The following NFATC1 variants were observed in gnomAD, a reference collection of about 807,000 sequenced individuals.
NFATC1 encodes the protein nuclear factor of activated T-cells, cytoplasmic 1.
Under a neutral mutation model 76.0 loss-of-function variants are expected in NFATC1, and 22 were observed. The ratio of observed to expected loss-of-function variants is 0.29; its 90% CI spans 0.21 to 0.41. NFATC1 has a LOEUF of 0.41. Ranked by LOEUF, NFATC1 falls within the 10% of genes least tolerant of loss-of-function variation. The pLI, the probability that NFATC1 is intolerant of heterozygous loss-of-function variation, is 1.00. For missense variants in NFATC1, 1,357 were observed against 1,337.7 expected (o/e 1.01, Z -0.23); for synonymous variants, 704 against 613.1 (o/e 1.15, Z -2.19).
intron 2 of NFATC1, among the ~76,000 whole-genome samples, chr18:79,412,573 T>G (rs1021689422): frequency 6.6e-6 from 1 of 152,110 alleles, no homozygotes; most frequent in Non-Finnish European, 1.5e-5. Context: ...GTGAGGGTGC[T>G]CTGGGAGGAC....
intron 9 of NFATC1, among the ~76,000 whole-genome samples, chr18:79,504,679 C>T (rs1243113176): frequency 6.6e-6 from 1 of 152,266 alleles, no homozygotes; most frequent in African/African-American, 2.4e-5. Context: ...AAAGACCTCC[C>T]CTTTGTGAAA....
In NFATC1 at chr18:79,486,732, C is replaced by T. The variant is rs777042807; in HGVS notation, c.2577C>T (p.Thr859=). The T allele has an allele frequency of 5.0e-6, 8 of 1,599,278 alleles. No individual in the cohort carries two copies. Among genetic ancestry groups the T allele is most frequent in the Middle Eastern group, 1.7e-4 (1 of 6,020 alleles). Residue 859 remains threonine, a synonymous_variant, in exon 9 of 10, where the codon ACC becomes ACT. Transcript: ENST00000427363. The part of the protein sequence containing the change: ...PPLPPATQEP[T]CLQPCSPACP... ...TCCCGCCTGCCACCCAAGAGCCGAC[C>T]TGCCTGCAGCCCTGCAGCCCAGCGT...
Position 79,452,940 on chromosome 18 carries a change from G to C in NFATC1, c.1903+1124G>C, listed in dbSNP as rs537760467. ...AGCCTTGATAATGGGGTCTTGATTT[G>C]TACAGTTTGCCGGAAACTTAAGTGC... On this transcript the variant is annotated intron_variant, in intron 6 of 9. Coordinates refer to ENST00000427363, the MANE Select transcript of NFATC1 (RefSeq NM_001278669.2). Among the ~76,000 whole-genome samples, 6 of 152,360 alleles carry C rather than the reference G, an allele frequency of 3.9e-5. No homozygotes were observed. The East Asian group carries it at 1.2e-3, about 29-fold the overall frequency.
chr18:79,399,064 C>T (rs906491499), intron 1 of NFATC1, among the ~76,000 whole-genome samples: 2 of 152,264 alleles, frequency 1.3e-5, no homozygotes, highest in African/African-American at 4.8e-5. Context: ...GAGACTCCGT[C>T]TCAAACAAAC....
At chr18:79,458,383 G>A (rs1376849503) in intron 6 of NFATC1, among the ~76,000 whole-genome samples, 2 of 152,212 alleles carry the variant, frequency 1.3e-5, no homozygotes, top group African/African-American at 4.8e-5. Flanking sequence ...GGCACCGTGG[G>A]ACCCAGGGAC....
intron 9 of NFATC1, among the ~76,000 whole-genome samples, chr18:79,511,103 C>T (rs757537987): frequency 9.9e-5 from 15 of 152,226 alleles, no homozygotes; most frequent in Non-Finnish European, 2.1e-4. Flanking sequence ...AGTCCACCAA[C>T]GGCAATTACA....
intron 2 of NFATC1, among the ~76,000 whole-genome samples, chr18:79,431,542 C>T (rs552018685): frequency 2.6e-5 from 4 of 152,272 alleles, no homozygotes. Context: ...TGCACCACCA[C>T]GTCCTGCTCA....
chr18:79,468,000 G>A (rs2144933995), intron 8 of NFATC1: 1 of 1,006,824 alleles, frequency 9.9e-7, no homozygotes, highest in Admixed American at 5.8e-5. Context: ...TTTTAAGCCT[G>A]TAGTCCTGAT....
chr18:79,516,612 A>C (rs1206076135), intron 9 of NFATC1, among the ~76,000 whole-genome samples: 2 of 152,172 alleles, frequency 1.3e-5, no homozygotes, highest in African/African-American at 4.8e-5. Flanking sequence ...TGGAGGCTTC[A>C]TGTAGGAGGT....
rs191235215 is a variant in NFATC1 at position 79,418,290 on chromosome 18, G to A, written c.1226+6789G>A. Among the ~76,000 whole-genome samples the A allele has an allele frequency of 4.6e-5, 7 of 152,288 alleles. No individual in the cohort carries two copies. The East Asian group carries it at 9.6e-4, about 21-fold the overall frequency. On this transcript the variant is annotated intron_variant, in intron 2 of 9. Coordinates refer to ENST00000427363, the MANE Select transcript of NFATC1 (RefSeq NM_001278669.2). ...ACAGTCAGGCGCTTAACGGCCACCC[G>A]ACTGTGGACGCAGCTGAGGCCATTT...
chr18:79,435,803 G>A (rs1014680682), intron 3 of NFATC1, among the ~76,000 whole-genome samples: 1 of 152,226 alleles, frequency 6.6e-6, no homozygotes, highest in Admixed American at 6.5e-5. Flanking sequence ...TGTGTGCGCA[G>A]CAGCGACACG....
chr18:79,500,226 A>G (rs1260801816), intron 9 of NFATC1, among the ~76,000 whole-genome samples: 1 of 152,188 alleles, frequency 6.6e-6, no homozygotes, highest in South Asian at 2.1e-4. Context: ...ATGGATATCA[A>G]TTGAAAATCA....
At chr18:79,476,154 T>C (rs2089058102) in intron 8 of NFATC1, among the ~76,000 whole-genome samples, 1 of 152,226 alleles carries the variant, frequency 6.6e-6, no homozygotes, top group South Asian at 2.1e-4. Context: ...AAGCCTGCGC[T>C]CTGGGACATG....
At chr18:79,519,685 C>G (rs934818749) in intron 9 of NFATC1, among the ~76,000 whole-genome samples, 2 of 152,156 alleles carry the variant, frequency 1.3e-5, no homozygotes, top group Admixed American at 6.5e-5. Context: ...TATGTTGTTT[C>G]TGCCATGTTT....
At chr18:79,463,821 C>G (rs929312459) in intron 7 of NFATC1, among the ~76,000 whole-genome samples, 4 of 152,062 alleles carry the variant, frequency 2.6e-5, no homozygotes, top group Non-Finnish European at 5.9e-5. Context: ...CGCACATGCA[C>G]GCGGGTTGCG....
chr18:79,494,797 G>A (rs1371925262), intron 9 of NFATC1, among the ~76,000 whole-genome samples: 38 of 66,326 alleles, frequency 5.7e-4, no homozygotes, highest in African/African-American at 2.1e-3. Context: ...GCCCCCCATC[G>A]ACCTGGTACC....
intron 1 of NFATC1, among the ~76,000 whole-genome samples, chr18:79,400,086 G>C (rs2085136624): frequency 6.8e-6 from 1 of 146,850 alleles, no homozygotes; most frequent in South Asian, 2.2e-4. Flanking sequence ...GCGCCGGGCC[G>C]GGACCCCCAG....
In NFATC1 at chr18:79,502,772, G is replaced by A. The variant is rs554462660; in HGVS notation, c.2782+15835G>A. 6.6e-5 allele frequency among the ~76,000 whole-genome samples: 10 copies of A among 152,318 alleles called. No individual in the cohort carries two copies. In the South Asian group the frequency reaches 2.1e-3, roughly 32 times the overall value. On this transcript the variant is annotated intron_variant, in intron 9 of 9. Coordinates refer to ENST00000427363, the MANE Select transcript of NFATC1 (RefSeq NM_001278669.2). ...GAATGCACATTGTAAATTTCAATAA[G>A]ATACCATTTTATATCCATTCAAGTG...
At chr18:79,396,844 C>T (rs1044901912) in intron 1 of NFATC1, among the ~76,000 whole-genome samples, 1 of 151,830 alleles carries the variant, frequency 6.6e-6, no homozygotes, top group African/African-American at 2.4e-5. Context: ...CCTCGCGCCG[C>T]GCCCCTGAAT....
Sources: gnomAD v4.1 joint callset for allele counts (sites outside exome capture counted in the v4.1 genomes callset) on GRCh38, gnomAD v4.1.1 for gene constraint, MANE v1.5 for transcripts, NCBI Gene and HGNC (gene_info 2026-07-23, HGNC 2026-07-21) for gene names.